Variants in PTPRE observed in about 807,000 individuals in gnomAD.
The protein encoded by PTPRE is protein tyrosine phosphatase receptor type E.
In PTPRE, 51 loss-of-function variants were observed where a neutral mutation model predicts 102.0. The observed-to-expected ratio is 0.50, with a 90% CI of 0.40 to 0.63. The LOEUF (loss-of-function observed/expected upper bound fraction) is 0.63, where lower values mean the gene tolerates loss of function less well. Among genes scored for constraint, PTPRE ranks in the 30% least tolerant of loss-of-function variants. PTPRE has a pLI of 0.00. For missense variants in PTPRE, 752 were observed against 915.1 expected, an observed-to-expected ratio of 0.82 and a Z score of 2.30; for synonymous variants, 345 against 348.2, an observed-to-expected ratio of 0.99 and a Z score of 0.10.
intron 6 of PTPRE, 132 bp from the exon 7 acceptor site, chr10:128,055,991 C>T: frequency 1.4e-6 from 1 of 693,638 alleles, no homozygotes; most frequent in East Asian, 2.6e-5. Context: ...AGGTCTGAGG[C>T]AGAGACGGAC....
intron 6 of PTPRE, among the ~76,000 whole-genome samples, chr10:128,053,683 C>T (rs1172882313): frequency 2.0e-5 from 3 of 152,210 alleles, no homozygotes; most frequent in Non-Finnish European, 2.9e-5. Flanking sequence ...AACACGCAAC[C>T]GTGGGGTGTC....
intron 16 of PTPRE, among the ~76,000 whole-genome samples, chr10:128,072,987 A>G (rs1850912904): frequency 6.6e-6 from 1 of 152,202 alleles, no homozygotes; most frequent in African/African-American, 2.4e-5. Flanking sequence ...AGAAAATTGT[A>G]CCAGAATCCG....
intron 1 of PTPRE, among the ~76,000 whole-genome samples, chr10:127,976,594 G>T (rs74504297): frequency 6.6e-6 from 1 of 152,096 alleles, no homozygotes; most frequent in African/African-American, 2.4e-5. Flanking sequence ...AAGGATGGTT[G>T]AGAAAAATGG....
intron 2 of PTPRE, among the ~76,000 whole-genome samples, chr10:127,996,743 T>C (rs1004697550): frequency 3.3e-5 from 5 of 152,080 alleles, no homozygotes; most frequent in African/African-American, 1.2e-4. Context: ...AGGCTCCGAG[T>C]TCACAGAAGC....
intron 3 of PTPRE, among the ~76,000 whole-genome samples, chr10:128,046,628 C>A (rs1321603245): frequency 6.6e-6 from 1 of 152,006 alleles, no homozygotes; most frequent in Admixed American, 6.5e-5. Flanking sequence ...GGCTGTGTGG[C>A]CAGCGGGGGA....
At chr10:128,041,328 G>A (rs972389102) in intron 3 of PTPRE, among the ~76,000 whole-genome samples, 1 of 152,112 alleles carries the variant, frequency 6.6e-6, no homozygotes, top group Non-Finnish European at 1.5e-5. Context: ...TGGATGAGGC[G>A]ATGTGACAGT....
At chr10:128,033,049 G>A (rs1846905059) in intron 2 of PTPRE, among the ~76,000 whole-genome samples, 2 of 152,270 alleles carry the variant, frequency 1.3e-5, no homozygotes, top group South Asian at 4.1e-4. Flanking sequence ...TACCTCGGGG[G>A]CTGTAATGGT....
intron 2 of PTPRE, among the ~76,000 whole-genome samples, chr10:127,986,618 C>T (rs1852112413): frequency 6.6e-6 from 1 of 152,178 alleles, no homozygotes; most frequent in South Asian, 2.1e-4. Flanking sequence ...TCTCTGTTTC[C>T]TCCTCTGTCA....
In PTPRE at chr10:128,012,532, A is replaced by C. The variant is rs768343157; in HGVS notation, c.-7-28343A>C. Among the ~76,000 whole-genome samples, 17 of 152,160 alleles carry C rather than the reference A, an allele frequency of 1.1e-4. 1 individual carries two copies. The highest frequency in any genetic ancestry group is 2.2e-4 in the Non-Finnish European group (15 of 68,024). On this transcript the variant is annotated intron_variant, in intron 2 of 20. Coordinates refer to ENST00000254667, the MANE Select transcript of PTPRE (RefSeq NM_006504.6). The stretch of plus-strand genomic sequence containing the variant: ...CAGCCTTGGGAGAGAGGCTCATGCC[A>C]TCAGCTTTGTCCTAACAGCTGTGCT...
intron 1 of PTPRE, among the ~76,000 whole-genome samples, chr10:127,956,663 C>A (rs1359237154): frequency 6.6e-6 from 1 of 152,214 alleles, no homozygotes; most frequent in Non-Finnish European, 1.5e-5. Context: ...TCTTCCAAAG[C>A]AGCTGTACCA....
At chr10:128,038,756 T>C (rs1446650567) in intron 2 of PTPRE, among the ~76,000 whole-genome samples, 1 of 152,130 alleles carries the variant, frequency 6.6e-6, no homozygotes, top group Non-Finnish European at 1.5e-5. Context: ...TGTATACATA[T>C]GTAACAAAAC....
intron 1 of PTPRE, among the ~76,000 whole-genome samples, chr10:127,933,403 C>G (rs1309494121): frequency 6.6e-6 from 1 of 152,134 alleles, no homozygotes; most frequent in East Asian, 1.9e-4. Context: ...TCCTCGTGGA[C>G]TACATTATAC....
At chr10:128,013,972 G>C (rs762779822) in intron 2 of PTPRE, among the ~76,000 whole-genome samples, 14 of 152,158 alleles carry the variant, frequency 9.2e-5, no homozygotes, top group Non-Finnish European at 7.3e-5. Flanking sequence ...CGTGCAGGAG[G>C]CTACCACGGA....
At chr10:127,978,427 A>G (rs951888411) in intron 1 of PTPRE, among the ~76,000 whole-genome samples, 1 of 152,026 alleles carries the variant, frequency 6.6e-6, no homozygotes, top group Non-Finnish European at 1.5e-5. Context: ...AGTCCCAGCT[A>G]CTCGGGGGGT....
chr10:127,966,023 A>G (rs1048964506), intron 1 of PTPRE, among the ~76,000 whole-genome samples: 3 of 152,256 alleles, frequency 2.0e-5, no homozygotes, highest in Non-Finnish European at 4.4e-5. Flanking sequence ...CCAGCTGAGC[A>G]CAGTCATGAC....
chr10:127,932,951 C>CCGAT (rs1422071549), intron 1 of PTPRE, among the ~76,000 whole-genome samples: 1 of 152,176 alleles, frequency 6.6e-6, no homozygotes, highest in African/African-American at 2.4e-5. Flanking sequence ...AGAGGCTGTC[C>CCGAT]CGATGCTTTA....
At chr10:128,050,956 C>T (rs1485753115) in intron 6 of PTPRE, among the ~76,000 whole-genome samples, 2 of 152,230 alleles carry the variant, frequency 1.3e-5, no homozygotes, top group Non-Finnish European at 2.9e-5. Flanking sequence ...TGCAAGCCTC[C>T]TCTGCCTTTA....
chr10:127,958,139 G>C (rs1849537009), intron 1 of PTPRE, among the ~76,000 whole-genome samples: 1 of 151,964 alleles, frequency 6.6e-6, no homozygotes, highest in Non-Finnish European at 1.5e-5. Flanking sequence ...TGTAATCTGT[G>C]AACAAAAATA....
chr10:128,074,790 A>C (rs901716201), intron 17 of PTPRE, among the ~76,000 whole-genome samples: 4 of 152,166 alleles, frequency 2.6e-5, no homozygotes, highest in African/African-American at 7.2e-5. Flanking sequence ...AGGTCACGTC[A>C]TAACTCTATG....
Sources: allele counts gnomAD v4.1 joint callset (sites outside exome capture counted in the v4.1 genomes callset), GRCh38; gene constraint gnomAD v4.1.1; transcripts MANE v1.5; gene names NCBI Gene and HGNC (gene_info 2026-07-23, HGNC 2026-07-21).